LRRTM4: variants seen among roughly 807,000 people sequenced by gnomAD.
LRRTM4 encodes the protein leucine-rich repeat transmembrane neuronal protein 4.
A neutral mutation model predicts 47.6 loss-of-function variants in LRRTM4; 25 were observed. The ratio of observed to expected loss-of-function variants is 0.53; its 90% confidence interval spans 0.38 to 0.73. The LOEUF (loss-of-function observed/expected upper bound fraction) is 0.73, where lower values mean the gene tolerates loss of function less well. Among genes scored for constraint, LRRTM4 ranks in the 30% least tolerant of loss-of-function variants. The probability of loss-of-function intolerance (pLI) is 0.00; values close to 1 mark genes in which losing one functional copy is unlikely to be tolerated. For synonymous variants in LRRTM4, 311 were observed against 269.5 expected (o/e 1.15, Z -1.51); for missense variants, 638 against 713.4 (o/e 0.89, Z 1.20).
intron 1 of LRRTM4, 46 bp from the exon 2 acceptor site, chr2:77,521,864 T>G: frequency 3.9e-6 from 1 of 256,820 alleles, no homozygotes. Flanking sequence ...AATACATATA[T>G]ATATATACAT....
chr2:77,030,608 C>A (rs1327140002), intron 3 of LRRTM4, among the ~76,000 whole-genome samples: 1 of 151,934 alleles, frequency 6.6e-6, no homozygotes, highest in Non-Finnish European at 1.5e-5. Context: ...CTGAATCTAC[C>A]CTTTAAAACA....
At chr2:77,351,113 T>G (rs1671753186) in intron 3 of LRRTM4, among the ~76,000 whole-genome samples, 1 of 152,158 alleles carries the variant, frequency 6.6e-6, no homozygotes, top group South Asian at 2.1e-4. Context: ...ATTGTTCCTC[T>G]CTATGTGCTC....
intron 3 of LRRTM4, among the ~76,000 whole-genome samples, chr2:77,419,640 T>TA (rs1190817597): frequency 2.6e-5 from 4 of 152,114 alleles, no homozygotes; most frequent in Non-Finnish European, 5.9e-5. Flanking sequence ...TCCATGGATG[T>TA]AAAAAAATCA....
intron 3 of LRRTM4, among the ~76,000 whole-genome samples, chr2:76,795,475 A>C (rs1675235600): frequency 6.6e-6 from 1 of 152,164 alleles, no homozygotes. Context: ...CAGAATTTAC[A>C]TTGTGTAGGT....
chr2:77,425,794 T>A (rs7587907), intron 3 of LRRTM4, among the ~76,000 whole-genome samples: 65,410 of 151,808 alleles, frequency 0.43, 15,355 homozygotes, highest in African/African-American at 0.63. Context: ...TAGAACCTGT[T>A]TGAATCTAGC....
chr2:76,976,682 G>T (rs914053915), intron 3 of LRRTM4, among the ~76,000 whole-genome samples: 1 of 151,734 alleles, frequency 6.6e-6, no homozygotes, highest in African/African-American at 2.4e-5. Context: ...AGAATTGTGG[G>T]TATTAGGGGC....
At chr2:77,455,511 A>G (rs1676497135) in intron 3 of LRRTM4, among the ~76,000 whole-genome samples, 1 of 151,890 alleles carries the variant, frequency 6.6e-6, no homozygotes, top group African/African-American at 2.4e-5. Context: ...CCAACATACC[A>G]CACACTTCCA....
intron 3 of LRRTM4, among the ~76,000 whole-genome samples, chr2:77,089,560 G>T (rs1266730271): frequency 6.6e-6 from 1 of 151,640 alleles, no homozygotes; most frequent in African/African-American, 2.4e-5. Context: ...CACTTTTCTG[G>T]AAGGTAAGAA....
intron 3 of LRRTM4, among the ~76,000 whole-genome samples, chr2:76,945,392 TTTTAGCAG>T (rs1675289068): frequency 6.6e-6 from 1 of 152,052 alleles, no homozygotes; most frequent in Non-Finnish European, 1.5e-5. Flanking sequence ...TCATGCTTTA[TTTTAGCAG>T]ATTGAAAATG....
chr2:76,981,519 G>A (rs1459083502), intron 3 of LRRTM4, among the ~76,000 whole-genome samples: 1 of 152,016 alleles, frequency 6.6e-6, no homozygotes, highest in Non-Finnish European at 1.5e-5. Context: ...GTTTTGGATA[G>A]GATCTTGCTC....
intron 3 of LRRTM4, among the ~76,000 whole-genome samples, chr2:77,049,678 TTATTAA>T (rs889879069): frequency 1.3e-4 from 20 of 152,086 alleles, no homozygotes; most frequent in African/African-American, 4.3e-4. Flanking sequence ...TTCTTATTTA[TTATTAA>T]TATTAACCAC....
chr2:76,780,813 C>A (rs1205835990), intron 3 of LRRTM4, among the ~76,000 whole-genome samples: 3 of 152,020 alleles, frequency 2.0e-5, no homozygotes, highest in Admixed American at 6.6e-5. Flanking sequence ...GAACTGCGTT[C>A]CTTTGGAGGA....
At chr2:76,809,032 A>G (rs548894172) in intron 3 of LRRTM4, among the ~76,000 whole-genome samples, 4 of 152,176 alleles carry the variant, frequency 2.6e-5, no homozygotes, top group African/African-American at 4.8e-5. Context: ...TTTTACCCCA[A>G]TTATCTTTCT....
intron 3 of LRRTM4, among the ~76,000 whole-genome samples, chr2:77,032,158 T>G (rs771441369): frequency 6.6e-6 from 1 of 152,114 alleles, no homozygotes; most frequent in African/African-American, 2.4e-5. Context: ...GCAGTGACTT[T>G]CACATACAGG....
chr2:77,090,927 C>G (rs1295097220), intron 3 of LRRTM4, among the ~76,000 whole-genome samples: 4 of 152,022 alleles, frequency 2.6e-5, no homozygotes, highest in Admixed American at 6.6e-5. Context: ...AAGGTAAGCC[C>G]ATCCCCTTCT....
intron 3 of LRRTM4, among the ~76,000 whole-genome samples, chr2:77,508,856 T>C (rs540166767): frequency 6.6e-6 from 1 of 152,238 alleles, no homozygotes; most frequent in South Asian, 2.1e-4. Flanking sequence ...TAATAACTTC[T>C]GAATTCAAAA....
chr2:77,088,707 C>G (rs560610408), intron 3 of LRRTM4, among the ~76,000 whole-genome samples: 1 of 152,116 alleles, frequency 6.6e-6, no homozygotes, highest in Admixed American at 6.5e-5. Flanking sequence ...CAGGGGACTT[C>G]CCCTAGGAGA....
At chr2:77,088,328 G>A (rs994547053) in intron 3 of LRRTM4, among the ~76,000 whole-genome samples, 1 of 152,072 alleles carries the variant, frequency 6.6e-6, no homozygotes, top group African/African-American at 2.4e-5. Flanking sequence ...AAGTGAATAT[G>A]CCCTGCCCCA....
At chr2:77,124,303 C>A (rs374138033) in intron 3 of LRRTM4, among the ~76,000 whole-genome samples, 3 of 151,928 alleles carry the variant, frequency 2.0e-5, no homozygotes, top group African/African-American at 7.3e-5. Context: ...TACAGAGCAA[C>A]AAGAACAGGA....
Sources: allele counts gnomAD v4.1 joint callset (sites outside exome capture counted in the v4.1 genomes callset), GRCh38; gene constraint gnomAD v4.1.1; transcripts MANE v1.5; gene names NCBI Gene and HGNC (gene_info 2026-07-23, HGNC 2026-07-21).